The following BCAP29 variants were observed in gnomAD, a reference collection of about 807,000 sequenced individuals.
BCAP29 encodes B cell receptor associated protein 29, also known as B-cell receptor-associated protein 29.
BCAP29 carries 34 observed loss-of-function variants against 31.8 expected under a neutral mutation model. The observed-to-expected ratio is 1.07, with a 90% CI of 0.81 to 1.42. The LOEUF is 1.42. Ranked by LOEUF, BCAP29 falls within the 40% of genes most tolerant of loss-of-function variation. The probability of loss-of-function intolerance (pLI) is 0.00; values close to 1 mark genes in which losing one functional copy is unlikely to be tolerated. For synonymous variants in BCAP29, 104 were observed against 91.3 expected (o/e 1.14, Z -0.79); for missense variants, 314 against 269.2 (o/e 1.17, Z -1.16).
Position 107,580,863 on chromosome 7 carries a change from AG to A in BCAP29, c.92+1del, listed in dbSNP as rs1806508920. On this transcript the variant is annotated frameshift_variant and splice_region_variant, in exon 2 of 8. Coordinates refer to ENST00000005259, the MANE Select transcript of BCAP29 (RefSeq NM_018844.4). LOFTEE classifies it high-confidence loss of function. ...CTGCCTACCTTTTATTCCTCCTCAG[AG>A]GTAGGAAACCTTCAAATCGTTAACT... The part of the protein sequence containing the change: ...IFCLPFIPPQ[R>X]WQKIFSFNVW... The A allele has an allele frequency of 6.3e-7, 1 of 1,584,864 alleles. No homozygotes were observed. Among genetic ancestry groups the A allele is most frequent in the African/African-American group, 1.4e-5 (1 of 72,898 alleles).
At chr7:107,621,235 T>G (rs970985970), downstream of BCAP29, 1 of 161,734 alleles carries the variant, frequency 6.2e-6, no homozygotes, top group Non-Finnish European at 1.3e-5. Flanking sequence ...AAGCATTGAC[T>G]TTAATGTCTG....
At chr7:107,615,524 AG>A (rs1402449484) in intron 7 of BCAP29, 1 of 323,238 alleles carries the variant, frequency 3.1e-6, no homozygotes, top group Non-Finnish European at 6.2e-6. Flanking sequence ...TGAACCTGGG[AG>A]GCAGAGGTTG....
At chr7:107,592,568 A>T (rs1809069758) in intron 3 of BCAP29, among the ~76,000 whole-genome samples, 1 of 152,238 alleles carries the variant, frequency 6.6e-6, no homozygotes, top group African/African-American at 2.4e-5. Flanking sequence ...ATGGCCCAGC[A>T]GTTCATCTCT....
intron 2 of BCAP29, among the ~76,000 whole-genome samples, chr7:107,582,349 T>G (rs1392366107): frequency 6.6e-6 from 1 of 152,244 alleles, no homozygotes; most frequent in Non-Finnish European, 1.5e-5. Flanking sequence ...CATGTACAGA[T>G]ATAAAGAAAA....
intron 6 of BCAP29, among the ~76,000 whole-genome samples, 199 bp from the exon 7 acceptor site, chr7:107,613,133 G>A (rs1328420641): frequency 6.6e-6 from 1 of 152,134 alleles, no homozygotes; most frequent in African/African-American, 2.4e-5. Flanking sequence ...AGAGGGGCAC[G>A]ATGCCTGCAC....
chr7:107,623,070 A>C (rs892479683), downstream of BCAP29: 1 of 151,986 alleles, frequency 6.6e-6, no homozygotes, highest in African/African-American at 2.4e-5. Context: ...CTTGAAACAT[A>C]TGCTGCTATC....
At position 107,617,057 on chromosome 7, in the gene BCAP29, C is replaced by T. The variant is rs559217197; in HGVS notation, c.691-1271C>T. Among the ~76,000 whole-genome samples the T allele has an allele frequency of 4.6e-5, 7 of 152,220 alleles. No individual in the cohort carries two copies. The East Asian group carries it at 1.4e-3, about 29-fold the overall frequency. ...CCCAGCCAAGAACCCTTTTCTTTAA[C>T]TCTTGTGCTTTAATGTTCGTCTGAG... On this transcript the variant is annotated intron_variant, in intron 7 of 7. Transcript: ENST00000005259.
intron 6 of BCAP29, among the ~76,000 whole-genome samples, chr7:107,609,513 C>G (rs1367774927): frequency 6.6e-6 from 1 of 152,126 alleles, no homozygotes; most frequent in African/African-American, 2.4e-5. Context: ...TAACAGCTAT[C>G]AACAAACTTT....
Position 107,595,853 on chromosome 7 carries a change from G to T in BCAP29, c.345-14G>T, listed in dbSNP as rs765270927. ...GATTGGCCAGTAATACATTATTCTG[G>T]TTTTTTTTCTTAGAGTTTTGAGACG... On this transcript the variant is annotated splice_polypyrimidine_tract_variant and intron_variant, in intron 4 of 7. Transcript: ENST00000005259. 18 of 1,589,266 alleles carry T rather than the reference G, an allele frequency of 1.1e-5. No homozygotes were observed. The highest frequency in any genetic ancestry group is 1.7e-4 in the Middle Eastern group (1 of 5,998).
chr7:107,602,804 C>G (rs566842263), intron 6 of BCAP29, among the ~76,000 whole-genome samples: 7 of 151,930 alleles, frequency 4.6e-5, no homozygotes, highest in Non-Finnish European at 1.0e-4. Flanking sequence ...CCTATTTTGA[C>G]CAAAGTTTGT....
chr7:107,599,664 T>G (rs1197966485), intron 5 of BCAP29, among the ~76,000 whole-genome samples: 3 of 152,076 alleles, frequency 2.0e-5, no homozygotes, highest in Non-Finnish European at 2.9e-5. Flanking sequence ...TAAGTCAGCT[T>G]CTTAGTTCTG....
At chr7:107,604,908 G>C (rs1249870033) in intron 6 of BCAP29, among the ~76,000 whole-genome samples, 5 of 151,688 alleles carry the variant, frequency 3.3e-5, no homozygotes, top group South Asian at 2.1e-4. Context: ...ATTATTTAAA[G>C]TAAATAAAAC....
At chr7:107,589,320 C>G (rs1808292118) in intron 3 of BCAP29, among the ~76,000 whole-genome samples, 2 of 152,148 alleles carry the variant, frequency 1.3e-5, no homozygotes, top group African/African-American at 4.8e-5. Flanking sequence ...AATAATTATG[C>G]AACTCACCGT....
At chr7:107,588,975 C>T (rs554835726) in intron 3 of BCAP29, among the ~76,000 whole-genome samples, 8 of 152,266 alleles carry the variant, frequency 5.3e-5, no homozygotes, top group African/African-American at 1.7e-4. Flanking sequence ...AGCCTCATCA[C>T]GTTAGAGGGG....
At chr7:107,614,791 A>C (rs1159159985) in intron 7 of BCAP29, among the ~76,000 whole-genome samples, 2 of 152,236 alleles carry the variant, frequency 1.3e-5, no homozygotes, top group African/African-American at 4.8e-5. Flanking sequence ...CTCAGTTCAC[A>C]TGGCCTGGAG....
Position 107,582,435 on chromosome 7 carries a change from TATCACCATA to T in BCAP29, c.93-1443_93-1435del, listed in dbSNP as rs1806869280. 2.6e-5 allele frequency among the ~76,000 whole-genome samples: 4 copies of T among 152,362 alleles called. No homozygotes were observed. In the South Asian group the frequency reaches 8.3e-4, roughly 32 times the overall value. ...CACATCTTTTTATCTTTTATATTTG[TATCACCATA>T]ATCTTTAAAGAAAATATTTCATCAT... On this transcript the variant is annotated intron_variant, in intron 2 of 7. Transcript: ENST00000005259.
intron 3 of BCAP29, among the ~76,000 whole-genome samples, chr7:107,593,289 A>G (rs994424832): frequency 1.3e-4 from 20 of 152,152 alleles, no homozygotes; most frequent in Admixed American, 3.3e-4. Flanking sequence ...AATGCACTCA[A>G]TGTAGACCCT....
intron 6 of BCAP29, among the ~76,000 whole-genome samples, chr7:107,605,763 G>C (rs114604442): frequency 6.6e-6 from 1 of 152,160 alleles, no homozygotes; most frequent in Non-Finnish European, 1.5e-5. Context: ...ACCTAGATAT[G>C]CATGTTTACT....
intron 6 of BCAP29, among the ~76,000 whole-genome samples, chr7:107,605,658 G>A (rs552637091): frequency 6.8e-4 from 104 of 152,204 alleles, no homozygotes; most frequent in Non-Finnish European, 1.4e-3. Context: ...TGATTGTGCT[G>A]TATGGTTGAG....
Sources: gnomAD v4.1 joint callset for allele counts (sites outside exome capture counted in the v4.1 genomes callset) on GRCh38, gnomAD v4.1.1 for gene constraint, MANE v1.5 for transcripts, NCBI Gene and HGNC (gene_info 2026-07-23, HGNC 2026-07-21) for gene names.